The following NFAT5 variants were observed in gnomAD, a reference collection of about 807,000 sequenced individuals.
The protein encoded by NFAT5 is nuclear factor of activated T-cells 5.
A neutral mutation model predicts 166.5 loss-of-function variants in NFAT5; 31 were observed. That is an observed-to-expected ratio of 0.19 (90% CI 0.14 to 0.25). NFAT5 has a LOEUF of 0.25. Among genes scored for constraint, NFAT5 ranks in the 10% least tolerant of loss-of-function variants. The pLI, the probability that NFAT5 is intolerant of heterozygous loss-of-function variation, is 1.00. For missense variants in NFAT5, 1,449 were observed against 1,821.8 expected, an observed-to-expected ratio of 0.80 and a Z score of 3.72; for synonymous variants, 612 against 639.7, an observed-to-expected ratio of 0.96 and a Z score of 0.65.
At chr16:69,659,998 G>T in intron 7 of NFAT5, 99 bp downstream of exon 7, 1 of 1,061,246 alleles carries the variant, frequency 9.4e-7, no homozygotes, top group Non-Finnish European at 1.3e-6. Flanking sequence ...CATATGCTCC[G>T]GCTTGTGATC....
At position 69,704,255 on chromosome 16, in the gene NFAT5, C is replaced by A. The variant is rs2037945965; in HGVS notation, c.*7904C>A. The A allele has an allele frequency of 1.3e-5, 2 of 152,614 alleles. No individual in the cohort carries two copies. Among genetic ancestry groups the A allele is most frequent in the Non-Finnish European group, 2.9e-5 (2 of 68,032 alleles). 9.5% of individuals were successfully genotyped at this position (152,614 alleles called of 1,614,324 possible). On this transcript the variant is annotated 3_prime_UTR_variant, in exon 15 of 15. Transcript: ENST00000349945. ...TTTTTTGACAACTTTAAATGAGTTTCATTCACTTCTTTTACTTAATGTTTT... is the reference window on the plus strand; with the variant it reads ...TTTTTTGACAACTTTAAATGAGTTTAATTCACTTCTTTTACTTAATGTTTT...
Position 69,692,118 on chromosome 16 carries a change from C to A in NFAT5, c.2293C>A (p.Gln765Lys), listed in dbSNP as rs2037572070. 6.2e-7 allele frequency: 1 copy of A among 1,614,028 alleles called. No homozygotes were observed. The highest frequency in any genetic ancestry group is 1.3e-5 in the African/African-American group (1 of 74,926). The change falls in exon 13 of 15, where the codon CAA becomes AAA. Residue 765 changes from glutamine to lysine, a missense_variant. Gln to Lys is a moderately conservative substitution (Grantham distance 53). Coordinates refer to ENST00000349945, the MANE Select transcript of NFAT5 (RefSeq NM_138713.4). Reference protein sequence around the residue: ...ASQQQQQSPLQEQAQTLQQQI... With the variant: ...ASQQQQQSPLKEQAQTLQQQI... ...ACAACAACAGCAGCAGTCACCACTA[C>A]AAGAACAAGCACAGACTTTACAGCA... is the stretch of plus-strand genomic sequence containing the variant.
chr16:69,659,996 C>T (rs1251642880), intron 7 of NFAT5, 97 bp downstream of exon 7: 2 of 1,091,388 alleles, frequency 1.8e-6, no homozygotes, highest in Admixed American at 2.5e-5. Context: ...TTCATATGCT[C>T]CGGCTTGTGA....
intron 2 of NFAT5, among the ~76,000 whole-genome samples, chr16:69,600,759 T>C: frequency 2.0e-5 from 1 of 49,014 alleles, no homozygotes; most frequent in East Asian, 4.7e-4. Flanking sequence ...AGGAATACTT[T>C]GAAAAAAAAA....
At chr16:69,671,525 C>A (rs1567594948) in intron 9 of NFAT5, among the ~76,000 whole-genome samples, 1 of 152,202 alleles carries the variant, frequency 6.6e-6, no homozygotes, top group East Asian at 1.9e-4. Context: ...CATGTGCCAC[C>A]ATGTCCAGCT....
intron 4 of NFAT5, among the ~76,000 whole-genome samples, chr16:69,650,553 TA>T (rs2035622146): frequency 6.6e-6 from 1 of 152,166 alleles, no homozygotes. Flanking sequence ...GCTAGACTAG[TA>T]AAACTCACTT....
At chr16:69,651,111 A>G (rs10500553) in intron 4 of NFAT5, among the ~76,000 whole-genome samples, 2,800 of 152,326 alleles carry the variant, frequency 0.018, 94 homozygotes, top group African/African-American at 0.06. Flanking sequence ...TTGTCCAGTT[A>G]GGATCTTTCT....
At chr16:69,664,483 C>T (rs2036278447) in intron 7 of NFAT5, among the ~76,000 whole-genome samples, 1 of 152,006 alleles carries the variant, frequency 6.6e-6, no homozygotes, top group East Asian at 1.9e-4. Flanking sequence ...GACGGGGTTT[C>T]ACCGTGTTAG....
At position 69,693,694 on chromosome 16, in the gene NFAT5, A is replaced by T; in HGVS notation, c.3869A>T (p.Asn1290Ile). 1 of 1,614,254 alleles carries T rather than the reference A, an allele frequency of 6.2e-7. No homozygotes were observed. Among genetic ancestry groups the T allele is most frequent in the Non-Finnish European group, 8.5e-7 (1 of 1,180,048 alleles). ...CAACAACAGAGCATTTTATTCAGTAATCAGAATACCATGGCTACAATGGCG... is the reference window on the plus strand; with the variant it reads ...CAACAACAGAGCATTTTATTCAGTATTCAGAATACCATGGCTACAATGGCG... ...QQQQQSILFS[N>I]QNTMATMASP... The change falls in exon 13 of 15, where the codon AAT (asparagine) becomes ATT (isoleucine). Residue 1290 changes from asparagine to isoleucine, a missense_variant. This residue lies in a region of NFAT5 where 891 missense variants were observed against 993.0 expected (regional missense o/e 0.90). Transcript: ENST00000349945.
intron 3 of NFAT5, among the ~76,000 whole-genome samples, chr16:69,645,109 A>G (rs2035381887): frequency 1.3e-5 from 2 of 152,362 alleles, no homozygotes; most frequent in Non-Finnish European, 2.9e-5. Context: ...TTTTCAAAAG[A>G]CAAGGAAAAA....
intron 3 of NFAT5, among the ~76,000 whole-genome samples, chr16:69,635,636 C>T (rs1444505831): frequency 6.6e-6 from 1 of 152,012 alleles, no homozygotes; most frequent in Non-Finnish European, 1.5e-5. Flanking sequence ...TGGCAGGAGG[C>T]AAAAGGCACT....
At chr16:69,666,633 C>T (rs1023833042) in intron 7 of NFAT5, among the ~76,000 whole-genome samples, 1 of 152,130 alleles carries the variant, frequency 6.6e-6, no homozygotes, top group African/African-American at 2.4e-5. Context: ...TACCATCTCA[C>T]ACCAGTTAGA....
At chr16:69,626,796 G>A (rs1044501014) in intron 3 of NFAT5, among the ~76,000 whole-genome samples, 10 of 152,100 alleles carry the variant, frequency 6.6e-5, no homozygotes, top group African/African-American at 2.2e-4. Flanking sequence ...GCTTAAAGTT[G>A]TTTGGTTGAC....
intron 4 of NFAT5, among the ~76,000 whole-genome samples, chr16:69,650,105 A>G: frequency 6.6e-6 from 1 of 152,048 alleles, no homozygotes. Flanking sequence ...CTGGATGTGA[A>G]ACCTACTTTA....
At chr16:69,636,260 C>CT (rs1441814855) in intron 3 of NFAT5, among the ~76,000 whole-genome samples, 1 of 152,142 alleles carries the variant, frequency 6.6e-6, no homozygotes, top group African/African-American at 2.4e-5. Flanking sequence ...GCACCTGTGG[C>CT]TTTGTAGAGT....
intron 10 of NFAT5, among the ~76,000 whole-genome samples, chr16:69,681,242 G>C (rs1343407763): frequency 1.3e-5 from 2 of 152,144 alleles, no homozygotes; most frequent in Admixed American, 6.6e-5. Context: ...TTACTCGATA[G>C]TGTATTATTA....
chr16:69,689,111 C>T (rs1377501353), intron 11 of NFAT5, among the ~76,000 whole-genome samples: 2 of 151,990 alleles, frequency 1.3e-5, no homozygotes, highest in Admixed American at 6.6e-5. Flanking sequence ...CTTGTCTCTA[C>T]AAAAAAATTT....
chr16:69,594,425 T>C (rs1455825046), intron 2 of NFAT5, among the ~76,000 whole-genome samples: 1 of 152,218 alleles, frequency 6.6e-6, no homozygotes, highest in Non-Finnish European at 1.5e-5. Flanking sequence ...CAGTGTTGTA[T>C]ATTAATTATA....
At chr16:69,568,896 C>G (rs755719238) in intron 2 of NFAT5, among the ~76,000 whole-genome samples, 1 of 152,058 alleles carries the variant, frequency 6.6e-6, no homozygotes, top group Non-Finnish European at 1.5e-5. Flanking sequence ...AAGAGTGACA[C>G]CAAACACATA....
Sources: gnomAD v4.1 joint callset for allele counts (sites outside exome capture counted in the v4.1 genomes callset) on GRCh38, gnomAD v4.1.1 for gene constraint, gnomAD v4.1.1 regional missense constraint, MANE v1.5 for transcripts, NCBI Gene and HGNC (gene_info 2026-07-23, HGNC 2026-07-21) for gene names.